RPGRIP1: variants seen among roughly 807,000 people sequenced by gnomAD.
RPGRIP1 encodes RPGR interacting protein 1, also known as X-linked retinitis pigmentosa GTPase regulator-interacting protein 1.
In RPGRIP1, 128 loss-of-function variants were observed where a neutral mutation model predicts 157.9. The ratio of observed to expected loss-of-function variants is 0.81; its 90% CI spans 0.70 to 0.94. The LOEUF (loss-of-function observed/expected upper bound fraction) is 0.94. Ranked by LOEUF, RPGRIP1 falls within the 40% of genes least tolerant of loss-of-function variation. RPGRIP1 has a pLI of 0.00. For synonymous variants in RPGRIP1, 554 were observed against 571.6 expected, an observed-to-expected ratio of 0.97 and a Z score of 0.44; for missense variants, 1,486 against 1,545.8, an observed-to-expected ratio of 0.96 and a Z score of 0.65.
intron 16 of RPGRIP1, 94 bp from the exon 17 acceptor site, chr14:21,325,737 T>C (rs1883009295): frequency 1.1e-6 from 1 of 925,674 alleles, no homozygotes; most frequent in East Asian, 2.6e-5. Context: ...AGCTGTTCTC[T>C]AGATCATAGC....
chr14:21,304,405 AAGAAAGAAAG>A (rs1881198269), intron 6 of RPGRIP1, among the ~76,000 whole-genome samples: 1 of 136,982 alleles, frequency 7.3e-6, no homozygotes, highest in Non-Finnish European at 1.6e-5. Flanking sequence ...GAAAGAAAGA[AAGAAAGAAAG>A]AAAGAAAGAA....
chr14:21,347,158 C>A (rs1372200147), intron 23 of RPGRIP1, among the ~76,000 whole-genome samples: 3 of 152,168 alleles, frequency 2.0e-5, no homozygotes, highest in African/African-American at 4.8e-5. Context: ...ATTGGTATTA[C>A]CTTTGGCTTT....
intron 7 of RPGRIP1, among the ~76,000 whole-genome samples, chr14:21,308,770 G>GA (rs1566675412): frequency 2.0e-5 from 3 of 152,222 alleles, no homozygotes; most frequent in African/African-American, 4.8e-5. Flanking sequence ...CATGTGCCGG[G>GA]AAAAGTGGCT....
Position 21,301,184 on chromosome 14 carries a change from G to C in RPGRIP1, c.437G>C (p.Gly146Ala). 1 of 1,595,562 alleles carries C rather than the reference G, an allele frequency of 6.3e-7. No homozygotes were observed. The highest frequency in any genetic ancestry group is 8.5e-7 in the Non-Finnish European group (1 of 1,171,820). ...PRRAQPRVQV[G>A]HRQLHTAGAP... ...CGCGCCCAGCCTCGCGTCCAAGTGG[G>C]ACACAGACAGCTCCACACAGCCGGT... Residue 146 changes from glycine to alanine, a missense_variant, in exon 4 of 25, where the codon GGA (glycine) becomes GCA (alanine). Transcript: ENST00000400017.
intron 21 of RPGRIP1, among the ~76,000 whole-genome samples, chr14:21,341,851 C>T (rs1020804050): frequency 9.2e-5 from 14 of 151,890 alleles, no homozygotes; most frequent in Non-Finnish European, 1.6e-4. Context: ...GTCAGGAGAT[C>T]GAGACCATCC....
At chr14:21,292,388 AATAG>A (rs955956905) in intron 2 of RPGRIP1, among the ~76,000 whole-genome samples, 9 of 152,190 alleles carry the variant, frequency 5.9e-5, no homozygotes, top group South Asian at 4.1e-4. Context: ...TGATGTCACA[AATAG>A]ATAAAACCAC....
chr14:21,342,222 C>G (rs1885083441), intron 21 of RPGRIP1, among the ~76,000 whole-genome samples: 1 of 151,988 alleles, frequency 6.6e-6, no homozygotes. Flanking sequence ...GTCCTAACCT[C>G]AGGAAAATAC....
chr14:21,320,314 CAG>C (rs1406282994), intron 12 of RPGRIP1, 137 bp downstream of exon 12: 5 of 822,244 alleles, frequency 6.1e-6, no homozygotes, highest in Non-Finnish European at 9.3e-6. Context: ...TTTTTTGAGA[CAG>C]AGTCTCGCTG....
chr14:21,280,690 T>C (rs577631787), intron 1 of RPGRIP1, among the ~76,000 whole-genome samples: 2 of 152,120 alleles, frequency 1.3e-5, no homozygotes, highest in Admixed American at 6.6e-5. Flanking sequence ...CTCAGTGTCT[T>C]CATGATCCAT....
intron 12 of RPGRIP1, 106 bp downstream of exon 12, chr14:21,320,283 C>G (rs1409122929): frequency 6.4e-6 from 7 of 1,097,686 alleles, no homozygotes; most frequent in African/African-American, 3.2e-5. Flanking sequence ...ATATTTTGTC[C>G]TGACTGAGGA....
chr14:21,292,479 G>A (rs1224093693), intron 2 of RPGRIP1, among the ~76,000 whole-genome samples: 1 of 152,122 alleles, frequency 6.6e-6, no homozygotes, highest in African/African-American at 2.4e-5. Flanking sequence ...TCAGCACATT[G>A]GGAGGCCAAG....
intron 1 of RPGRIP1, among the ~76,000 whole-genome samples, chr14:21,283,331 C>T (rs910226696): frequency 6.6e-6 from 1 of 152,134 alleles, no homozygotes; most frequent in Non-Finnish European, 1.5e-5. Context: ...GAGAAGCTGT[C>T]TCACACTGTC....
In RPGRIP1 at chr14:21,330,053, G is replaced by A. The variant is rs562081666; in HGVS notation, c.3100-196G>A. On this transcript the variant is annotated intron_variant, in intron 19 of 24. Coordinates refer to ENST00000400017, the MANE Select transcript of RPGRIP1 (RefSeq NM_020366.4). ...GAATTGCTTGAACCCAGGAGGCGAA[G>A]GTTGCAGTGAGCCGAGATGGTGCCA... Among the ~76,000 whole-genome samples the A allele has an allele frequency of 5.3e-5, 8 of 151,572 alleles. 1 individual carries two copies. In the South Asian group the frequency reaches 1.7e-3, roughly 32 times the overall value.
chr14:21,341,222 G>A (rs778624071), intron 21 of RPGRIP1, among the ~76,000 whole-genome samples: 5 of 152,134 alleles, frequency 3.3e-5, no homozygotes, highest in South Asian at 4.1e-4. Flanking sequence ...ATAGAGATGC[G>A]GTTTCACCAT....
intron 21 of RPGRIP1, among the ~76,000 whole-genome samples, chr14:21,339,306 C>T (rs61977498): frequency 0.11 from 16,833 of 151,696 alleles, 1,098 homozygotes; most frequent in Middle Eastern, 0.21. Flanking sequence ...ATTAGCTGGG[C>T]GTGGTGGCGC....
Position 21,321,887 on chromosome 14 carries a change from A to C in RPGRIP1, c.1645A>C (p.Asn549His). 6.2e-7 allele frequency: 1 copy of C among 1,613,516 alleles called. No individual in the cohort carries two copies. Among genetic ancestry groups the C allele is most frequent in the Non-Finnish European group, 8.5e-7 (1 of 1,179,662 alleles). The change falls in exon 14 of 25, where the codon AAT becomes CAT. Residue 549 changes from asparagine (N) to histidine (H), a missense_variant. Coordinates refer to ENST00000400017, the MANE Select transcript of RPGRIP1 (RefSeq NM_020366.4). ...ELEAMMTKAD[N>H]DNRDHKEKLE... Reference sequence around the variant, plus strand: ...GGAGGCAATGATGACAAAAGCTGACAATGATAATAGAGATCACAAAGAAAA... The same window carrying C: ...GGAGGCAATGATGACAAAAGCTGACCATGATAATAGAGATCACAAAGAAAA...
intron 11 of RPGRIP1, among the ~76,000 whole-genome samples, chr14:21,318,786 A>C (rs550142068): frequency 1.3e-5 from 2 of 152,184 alleles, no homozygotes; most frequent in African/African-American, 4.8e-5. Flanking sequence ...AAAGTATTGA[A>C]AGTGAATTTC....
intron 20 of RPGRIP1, among the ~76,000 whole-genome samples, chr14:21,332,604 T>C (rs982228926): frequency 1.3e-5 from 2 of 152,240 alleles, no homozygotes; most frequent in Non-Finnish European, 2.9e-5. Flanking sequence ...ACTCCCAATT[T>C]ACATTTCTTC....
At chr14:21,350,784 CTA>C (rs1284305211) in intron 24 of RPGRIP1, among the ~76,000 whole-genome samples, 1 of 152,152 alleles carries the variant, frequency 6.6e-6, no homozygotes, top group African/African-American at 2.4e-5. Context: ...CCTAAACATG[CTA>C]TGTTCTTCCT....
Sources: gnomAD v4.1 joint callset for allele counts (sites outside exome capture counted in the v4.1 genomes callset) on GRCh38, gnomAD v4.1.1 for gene constraint, MANE v1.5 for transcripts, NCBI Gene and HGNC (gene_info 2026-07-23, HGNC 2026-07-21) for gene names.